The following EYA4 variants were observed in gnomAD, a reference collection of about 807,000 sequenced individuals.
The protein encoded by EYA4 is EYA transcriptional coactivator and phosphatase 4.
EYA4 carries 31 observed loss-of-function variants against 87.9 expected under a neutral mutation model. The ratio of observed to expected loss-of-function variants is 0.35; its 90% confidence interval spans 0.27 to 0.48. The LOEUF is 0.48. EYA4 is among the 20% of genes least tolerant of loss of function. The pLI is 0.99. For synonymous variants in EYA4, 263 were observed against 270.6 expected (o/e 0.97, Z 0.28); for missense variants, 678 against 761.4 (o/e 0.89, Z 1.29).
chr6:133,385,050 A>G (rs1036151438), intron 3 of EYA4, among the ~76,000 whole-genome samples: 1 of 151,994 alleles, frequency 6.6e-6, no homozygotes, highest in Admixed American at 6.5e-5. Flanking sequence ...CTGTAATCCC[A>G]GCACTTTGGG....
intron 19 of EYA4, chr6:133,525,899 G>A (rs1050305948): frequency 1.4e-5 from 14 of 985,122 alleles, no homozygotes; most frequent in African/African-American, 1.0e-4. Context: ...TGTCTTAGCC[G>A]TAATGTGCCT....
chr6:133,460,570 A>C (rs1296054581), intron 6 of EYA4, among the ~76,000 whole-genome samples: 7 of 152,136 alleles, frequency 4.6e-5, no homozygotes, highest in African/African-American at 1.7e-4. Context: ...TATTACTGGA[A>C]TATTTTAGAC....
At position 133,483,701 on chromosome 6, in the gene EYA4, A is replaced by G. The variant is rs117983275; in HGVS notation, c.1191+586A>G. On this transcript the variant is annotated intron_variant, in intron 13 of 19. Coordinates refer to ENST00000355286, the MANE Select transcript of EYA4 (RefSeq NM_004100.5). ...TCTTTTATTTATTTATTTCATTGTT[A>G]TTATTATTATTATTATTATTATTAT... Among the ~76,000 whole-genome samples, 238 of 60,868 alleles carry G rather than the reference A, an allele frequency of 3.9e-3. 1 individual carries two copies. Among genetic ancestry groups the G allele is most frequent in the East Asian group, 0.011 (24 of 2,156 alleles). The allele number at this position is 60,868 out of a possible 152,430, so 39.9% of individuals were successfully genotyped here.
chr6:133,273,300 T>A (rs1205264076), intron 1 of EYA4, among the ~76,000 whole-genome samples: 1 of 151,844 alleles, frequency 6.6e-6, no homozygotes, highest in South Asian at 2.1e-4. Flanking sequence ...GGCCCGTCTC[T>A]TTTTTTCACA....
At chr6:133,428,996 G>A (rs933913992) in intron 3 of EYA4, among the ~76,000 whole-genome samples, 4 of 125,478 alleles carry the variant, frequency 3.2e-5, no homozygotes, top group Non-Finnish European at 6.3e-5. Context: ...GCATGATCTC[G>A]GCTCACTGCA....
chr6:133,340,945 T>C (rs1782735321), intron 2 of EYA4, among the ~76,000 whole-genome samples: 1 of 152,142 alleles, frequency 6.6e-6, no homozygotes, highest in Admixed American at 6.5e-5. Context: ...AAAGTATGGA[T>C]GTATTCTGAA....
chr6:133,380,624 A>G (rs1171136965), intron 2 of EYA4, among the ~76,000 whole-genome samples: 1 of 152,112 alleles, frequency 6.6e-6, no homozygotes, highest in Non-Finnish European at 1.5e-5. Flanking sequence ...GGCAGTTCAT[A>G]TAGTTTTTTG....
intron 3 of EYA4, among the ~76,000 whole-genome samples, chr6:133,413,447 C>CT (rs1789424810): frequency 1.4e-5 from 2 of 146,040 alleles, no homozygotes; most frequent in African/African-American, 5.1e-5. Flanking sequence ...TTTTTTGGGC[C>CT]TTTACTTTCT....
chr6:133,315,751 G>C (rs1412064802), intron 2 of EYA4, among the ~76,000 whole-genome samples: 1 of 152,096 alleles, frequency 6.6e-6, no homozygotes, highest in Admixed American at 6.5e-5. Flanking sequence ...TCTACAGTAA[G>C]ATCATGAGGT....
chr6:133,406,120 C>G (rs1272474378), intron 3 of EYA4, among the ~76,000 whole-genome samples: 1 of 152,136 alleles, frequency 6.6e-6, no homozygotes, highest in Non-Finnish European at 1.5e-5. Flanking sequence ...AAACTTCATT[C>G]ATATTTTTAT....
At chr6:133,437,994 C>T (rs1791869518) in intron 3 of EYA4, among the ~76,000 whole-genome samples, 2 of 152,148 alleles carry the variant, frequency 1.3e-5, no homozygotes, top group South Asian at 2.1e-4. Flanking sequence ...ACCCATTAAT[C>T]ATTTCCTGTT....
At chr6:133,257,170 T>C (rs1027427279) in intron 1 of EYA4, among the ~76,000 whole-genome samples, 1 of 152,198 alleles carries the variant, frequency 6.6e-6, no homozygotes, top group African/African-American at 2.4e-5. Context: ...TGATTAAGGA[T>C]TTGTTATATA....
intron 3 of EYA4, among the ~76,000 whole-genome samples, chr6:133,425,021 G>T (rs947556341): frequency 1.3e-5 from 2 of 150,754 alleles, no homozygotes; most frequent in East Asian, 2.0e-4. Flanking sequence ...CTTCTGTGTT[G>T]TAAGTGTGTA....
At chr6:133,324,850 C>A (rs898634881) in intron 2 of EYA4, among the ~76,000 whole-genome samples, 5 of 144,682 alleles carry the variant, frequency 3.5e-5, no homozygotes, top group African/African-American at 1.3e-4. Context: ...CCAGTCTTTT[C>A]TTTCAAGTTT....
chr6:133,509,664 G>A (rs1798969521), intron 14 of EYA4, among the ~76,000 whole-genome samples: 1 of 152,212 alleles, frequency 6.6e-6, no homozygotes, highest in Non-Finnish European at 1.5e-5. Flanking sequence ...GTCTCAGGAA[G>A]TTTGAGATGG....
At chr6:133,455,233 A>G (rs1016915757) in intron 5 of EYA4, among the ~76,000 whole-genome samples, 32 of 152,314 alleles carry the variant, frequency 2.1e-4, no homozygotes, top group Middle Eastern at 6.8e-3. Context: ...CTGAAAAGTA[A>G]TAACCACCAA....
chr6:133,328,430 A>T (rs1198630284), intron 2 of EYA4, among the ~76,000 whole-genome samples: 2 of 152,064 alleles, frequency 1.3e-5, no homozygotes, highest in East Asian at 3.8e-4. Context: ...GGCTTTAGGG[A>T]TTTGTTCAGA....
chr6:133,486,986 AG>A (rs1415801559), intron 13 of EYA4, among the ~76,000 whole-genome samples: 1 of 152,214 alleles, frequency 6.6e-6, no homozygotes, highest in Non-Finnish European at 1.5e-5. Flanking sequence ...GGCACTGAAG[AG>A]GGTAAGAAAG....
chr6:133,454,256 C>T (rs1240548577), intron 5 of EYA4, among the ~76,000 whole-genome samples: 1 of 152,154 alleles, frequency 6.6e-6, no homozygotes, highest in Non-Finnish European at 1.5e-5. Flanking sequence ...AAGTCAGAAG[C>T]TCTGATAAAC....
Sources: gnomAD v4.1 joint callset for allele counts (sites outside exome capture counted in the v4.1 genomes callset) on GRCh38, gnomAD v4.1.1 for gene constraint, MANE v1.5 for transcripts, NCBI Gene and HGNC (gene_info 2026-07-23, HGNC 2026-07-21) for gene names.